The following RRAD variants were observed in gnomAD, a reference collection of about 807,000 sequenced individuals.
RRAD encodes RRAD, Ras related glycolysis inhibitor and calcium channel regulator.
In RRAD, 15 loss-of-function variants were observed where a neutral mutation model predicts 24.7. The observed-to-expected ratio is 0.61, with a 90% CI of 0.41 to 0.93. The LOEUF (loss-of-function observed/expected upper bound fraction) is 0.93, where lower values mean the gene tolerates loss of function less well. RRAD is among the 40% of genes least tolerant of loss of function. The pLI is 0.00. For synonymous variants in RRAD, 180 were observed against 189.8 expected (o/e 0.95, Z 0.43); for missense variants, 438 against 452.2 (o/e 0.97, Z 0.29).
In RRAD at chr16:66,924,453, T is replaced by C. The variant is rs73586839; in HGVS notation, c.370+357A>G. ...AAGCCAAGGTGGGCGGATCACGAGG[T>C]CAGAAATTCCAGACCAGCCTGGCCA... On this transcript the variant is annotated intron_variant, in intron 2 of 4. Coordinates refer to ENST00000299759, the MANE Select transcript of RRAD (RefSeq NM_004165.3). This position sits in a 1 kb window ranked among gnomAD's most constrained non-coding sequence, Gnocchi z 4.2. Among the ~76,000 whole-genome samples the C allele has an allele frequency of 0.06, 9,060 of 151,936 alleles. 518 individuals are homozygous for C. The highest frequency in any genetic ancestry group is 0.15 in the African/African-American group (6,320 of 41,400).
Position 66,924,886 on chromosome 16 carries a change from C to T in RRAD, c.294G>A (p.Gly98=). 1 of 1,586,542 alleles carries T rather than the reference C, an allele frequency of 6.3e-7. No homozygotes were observed. Among genetic ancestry groups the T allele is most frequent in the Non-Finnish European group, 8.5e-7 (1 of 1,171,262 alleles). ...GGGCGCTCTTGCCCACGCCGGGCGC[C>T]CCCAGCAGCAGCACCTTGTAAACGC... ...DESVYKVLLL[G]APGVGKSALA... The change falls in exon 2 of 5, where the codon GGG becomes GGA. Residue 98 remains glycine, a synonymous_variant. Transcript: ENST00000299759. The surrounding 1 kb of genome is among the most constrained non-coding windows in gnomAD (Gnocchi z 4.2).
At position 66,924,678 on chromosome 16, in the gene RRAD, AAATAAT is replaced by A. The variant is rs541356722; in HGVS notation, c.370+126_370+131del. The A allele has an allele frequency of 9.0e-5, 62 of 687,420 alleles. No homozygotes were observed. Among genetic ancestry groups the A allele is most frequent in the East Asian group, 1.8e-4 (5 of 27,116 alleles). 42.6% of individuals were successfully genotyped at this position (687,420 alleles called of 1,614,324 possible). On this transcript the variant is annotated intron_variant, in intron 2 of 4. Transcript: ENST00000299759. This position sits in a 1 kb window ranked among gnomAD's most constrained non-coding sequence, Gnocchi z 4.2. ...GAAACTCTGTCTCAAAATAATAATA[AAATAAT>A]AATAATAATAATAATAACAACAACA...
intron 4 of RRAD, among the ~76,000 whole-genome samples, chr16:66,922,903 G>A (rs1226646177): frequency 3.9e-5 from 6 of 152,168 alleles, no homozygotes; most frequent in African/African-American, 7.2e-5. Flanking sequence ...GGATGGTCTC[G>A]ATCTCCTGAC....
At position 66,924,176 on chromosome 16, in the gene RRAD, G is replaced by T. The variant is rs965262028; in HGVS notation, c.371-257C>A. 1.3e-5 allele frequency among the ~76,000 whole-genome samples: 2 copies of T among 152,168 alleles called. No homozygotes were observed. The highest frequency in any genetic ancestry group is 4.8e-5 in the African/African-American group (2 of 41,436). ...GGGCTCCTCTCTTAGAAATCCCTCT[G>T]GTTAGAAACTCTGACCTGTCCCTGA... On this transcript the variant is annotated intron_variant, in intron 2 of 4. Transcript: ENST00000299759. This position sits in a 1 kb window ranked among gnomAD's most constrained non-coding sequence, Gnocchi z 4.2.
In RRAD at chr16:66,924,268, T is replaced by C. The variant is rs1157781290; in HGVS notation, c.371-349A>G. Among the ~76,000 whole-genome samples the C allele has an allele frequency of 6.6e-6, 1 of 152,228 alleles. No individual in the cohort carries two copies. Among genetic ancestry groups the C allele is most frequent in the Admixed American group, 6.5e-5 (1 of 15,288 alleles). On this transcript the variant is annotated intron_variant, in intron 2 of 4. Coordinates refer to ENST00000299759, the MANE Select transcript of RRAD (RefSeq NM_004165.3). This position sits in a 1 kb window ranked among gnomAD's most constrained non-coding sequence, Gnocchi z 4.2. ...ATATCTATGCCCTGGCCTTCTACTC[T>C]GGGCATTTCTTCCCTACCAAAGGCT...
Position 66,923,634 on chromosome 16 carries a change from G to A in RRAD, c.531C>T (p.Phe177=), listed in dbSNP as rs1224228806. 4 of 1,614,012 alleles carry A rather than the reference G, an allele frequency of 2.5e-6. No homozygotes were observed. The South Asian group carries it at 4.4e-5, about 18-fold the overall frequency. ...GGACCCGCAGTTCTGAGGCCTTCTCGAAGCTGCCCTTGTCCGTCACTGAGT... is the reference window on the plus strand; with the variant it reads ...GGACCCGCAGTTCTGAGGCCTTCTCAAAGCTGCCCTTGTCCGTCACTGAGT... ...IVYSVTDKGS[F]EKASELRVQL... The change falls in exon 4 of 5, where the codon TTC becomes TTT. Residue 177 remains phenylalanine, a synonymous_variant. Transcript: ENST00000299759. The surrounding 1 kb of genome is among the most constrained non-coding windows in gnomAD (Gnocchi z 4.9).
In RRAD at chr16:66,921,936, G is replaced by T. The variant is rs1200521277; in HGVS notation, c.*140C>A. On this transcript the variant is annotated 3_prime_UTR_variant, in exon 5 of 5. Transcript: ENST00000299759. ...AGGGCAGCACTGTCTATCTGTCCAT[G>T]ACCATGAGGTTGGGGGTGCCCGGCT... 1.4e-6 allele frequency: 1 copy of T among 695,720 alleles called. No individual in the cohort carries two copies. The highest frequency in any genetic ancestry group is 2.8e-5 in the Admixed American group (1 of 35,328). 43.1% of individuals were successfully genotyped at this position (695,720 alleles called of 1,614,324 possible). A position where few individuals can be genotyped will look rare whatever the true frequency, so the allele number is the denominator to read the frequency against.
Position 66,924,996 on chromosome 16 carries a change from C to G in RRAD, c.184G>C (p.Gly62Arg), listed in dbSNP as rs1962975426. The G allele has an allele frequency of 7.0e-7, 1 of 1,431,346 alleles. No homozygotes were observed. The highest frequency in any genetic ancestry group is 9.2e-7 in the Non-Finnish European group (1 of 1,088,038). 88.7% of individuals were successfully genotyped at this position (1,431,346 alleles called of 1,614,324 possible). Residue 62 changes from glycine (G) to arginine (R), a missense_variant, in exon 2 of 5, where the codon GGG becomes CGG. By Grantham distance (125) the Gly-to-Arg change is moderately radical (BLOSUM62 -2). Coordinates refer to ENST00000299759, the MANE Select transcript of RRAD (RefSeq NM_004165.3). This position sits in a 1 kb window ranked among gnomAD's most constrained non-coding sequence, Gnocchi z 4.2. ...TPGALTAAAA[G>R]TGTQGPRLDW... ...AGCCTGGGACCCTGGGTCCCCGTCC[C>G]GGCCGCGGCCGCCGTCAGGGCACCC... is the stretch of plus-strand genomic sequence containing the variant.
chr16:66,922,194 C>T lies in RRAD; in HGVS notation c.809G>A (p.Arg270Lys). 5 of 1,614,248 alleles carry T rather than the reference C, an allele frequency of 3.1e-6. No individual in the cohort carries two copies. Among genetic ancestry groups the T allele is most frequent in the Admixed American group, 1.7e-5 (1 of 60,036 alleles). ...CGCCTTTTTGCCAAGGCTCTCTCGC[C>T]TCCGGGTGCCTGCTTGCCGTCGTGC... ...ANARRQAGTR[R>K]RESLGKKAKR... is the part of the protein sequence containing the mutation. The change falls in exon 5 of 5, where the codon AGG (arginine) becomes AAG (lysine). Residue 270 changes from arginine (R) to lysine (K), a missense_variant. Coordinates refer to ENST00000299759, the MANE Select transcript of RRAD (RefSeq NM_004165.3).
Position 66,923,817 on chromosome 16 carries a change from C to T in RRAD, c.444+29G>A. 6.2e-7 allele frequency: 1 copy of T among 1,611,680 alleles called. No individual in the cohort carries two copies. Among genetic ancestry groups the T allele is most frequent in the Non-Finnish European group, 8.5e-7 (1 of 1,177,778 alleles). On this transcript the variant is annotated intron_variant, in intron 3 of 4. Transcript: ENST00000299759. This position sits in a 1 kb window ranked among gnomAD's most constrained non-coding sequence, Gnocchi z 4.9. Reference sequence around the variant, plus strand: ...TCTAACCCAACTCACTCCTCCCTCCCCTGCCCTGGGTCTCTGCTTGCACCC... The same window carrying T: ...TCTAACCCAACTCACTCCTCCCTCCTCTGCCCTGGGTCTCTGCTTGCACCC...
At position 66,922,159 on chromosome 16, in the gene RRAD, A is replaced by G. The variant is rs973339868; in HGVS notation, c.844T>C (p.Leu282=). The part of the protein sequence containing the change: ...ESLGKKAKRF[L]GRIVARNSRK... ...CTGTTACGAGCTACGATGCGGCCCA[A>G]GAAGCGCTTCGCCTTTTTGCCAAGG... The change falls in exon 5 of 5, where the codon TTG becomes CTG. Residue 282 remains leucine, a synonymous_variant. Transcript: ENST00000299759. 9.3e-6 allele frequency: 15 copies of G among 1,614,072 alleles called. No homozygotes were observed. The African/African-American group carries it at 1.9e-4, about 20-fold the overall frequency.
Position 66,922,232 on chromosome 16 carries a change from G to A in RRAD, c.771C>T (p.Ser257=), listed in dbSNP as rs987490917. The change falls in exon 5 of 5, where the codon AGC becomes AGT. Residue 257 remains serine, a synonymous_variant. Coordinates refer to ENST00000299759, the MANE Select transcript of RRAD (RefSeq NM_004165.3). ...CTTGCCGTCGTGCGTTGGCTTCTTT[G>A]CTGTCCCTGCGCAGGCGTATCTGGC... The part of the protein sequence containing the change: ...VVRQIRLRRD[S]KEANARRQAG... The A allele has an allele frequency of 8.7e-6, 14 of 1,614,186 alleles. No individual in the cohort carries two copies. Among genetic ancestry groups the A allele is most frequent in the African/African-American group, 1.3e-5 (1 of 75,058 alleles).
Position 66,921,739 on chromosome 16 carries a change from A to G in RRAD, c.*337T>C, listed in dbSNP as rs544142161. On this transcript the variant is annotated 3_prime_UTR_variant, in exon 5 of 5. Coordinates refer to ENST00000299759, the MANE Select transcript of RRAD (RefSeq NM_004165.3). Reference sequence around the variant, plus strand: ...CTGCATGTAAACAAATAGCTACCGCACTGAAGAGCCTCCCTCCAGGGCAGG... The same window carrying G: ...CTGCATGTAAACAAATAGCTACCGCGCTGAAGAGCCTCCCTCCAGGGCAGG... 3.3e-5 allele frequency: 9 copies of G among 272,070 alleles called. No individual in the cohort carries two copies. In the South Asian group the frequency reaches 1.3e-3, roughly 38 times the overall value. The allele number at this position is 272,070 out of a possible 1,614,324, so 16.9% of individuals were successfully genotyped here.
intron 4 of RRAD, 77 bp from the exon 5 acceptor site, chr16:66,922,430 C>A (rs1962929307): frequency 7.0e-7 from 1 of 1,430,926 alleles, no homozygotes; most frequent in East Asian, 2.3e-5. Flanking sequence ...AGTGGCCACC[C>A]ATGGAAGCTG....
Position 66,921,770 on chromosome 16 carries a change from C to A in RRAD, c.*306G>T, listed in dbSNP as rs1047906136. Reference sequence around the variant, plus strand: ...GAGCCTCCCTCCAGGGCAGGCACACCCGGGCTGTGAAAAAAGGCAGAGTCC... The same window carrying A: ...GAGCCTCCCTCCAGGGCAGGCACACACGGGCTGTGAAAAAAGGCAGAGTCC... On this transcript the variant is annotated 3_prime_UTR_variant, in exon 5 of 5. Transcript: ENST00000299759. 9 of 347,452 alleles carry A rather than the reference C, an allele frequency of 2.6e-5. No individual in the cohort carries two copies. The Admixed American group carries it at 4.2e-4, about 16-fold the overall frequency. The allele number at this position is 347,452 out of a possible 1,614,324, so 21.5% of individuals were successfully genotyped here.
At position 66,922,094 on chromosome 16, in the gene RRAD, G is replaced by A. The variant is rs555745066; in HGVS notation, c.909C>T (p.His303=). The part of the protein sequence containing the change: ...MAFRAKSKSC[H]DLSVL ...GTGGGACCTAGAGAACCGAGAGGTC[G>A]TGGCAGGACTTGGATTTGGCGCGAA... Residue 303 remains histidine, a synonymous_variant, in exon 5 of 5, where the codon CAC becomes CAT. Transcript: ENST00000299759. 2 of 1,608,554 alleles carry A rather than the reference G, an allele frequency of 1.2e-6. No homozygotes were observed. Among genetic ancestry groups the A allele is most frequent in the East Asian group, 2.2e-5 (1 of 44,696 alleles).
chr16:66,924,780 C>A lies in RRAD; in HGVS notation c.370+30G>T. The A allele has an allele frequency of 6.9e-7, 1 of 1,453,742 alleles. No individual in the cohort carries two copies. The highest frequency in any genetic ancestry group is 2.5e-5 in the East Asian group (1 of 39,218). The allele number at this position is 1,453,742 out of a possible 1,614,324, so 90.1% of individuals were successfully genotyped here. ...GCCCCTAGTCCTAGCCCCGGGATCGCCCCTCCCCTGAACAGCTGGGTCCCC... is the reference window on the plus strand; with the variant it reads ...GCCCCTAGTCCTAGCCCCGGGATCGACCCTCCCCTGAACAGCTGGGTCCCC... On this transcript the variant is annotated intron_variant, in intron 2 of 4. Coordinates refer to ENST00000299759, the MANE Select transcript of RRAD (RefSeq NM_004165.3). The surrounding 1 kb of genome is among the most constrained non-coding windows in gnomAD (Gnocchi z 4.2).
rs964261743 is a variant in RRAD, at chr16:66,922,839, C to T, written c.650-486G>A. ...CTGGGACTACAGGCGCCCGCCACCACGCCCGGCTAATTTTTGTATTTTTAG... is the reference window on the plus strand; with the variant it reads ...CTGGGACTACAGGCGCCCGCCACCATGCCCGGCTAATTTTTGTATTTTTAG... On this transcript the variant is annotated intron_variant, in intron 4 of 4. Coordinates refer to ENST00000299759, the MANE Select transcript of RRAD (RefSeq NM_004165.3). Among the ~76,000 whole-genome samples, 4 of 152,096 alleles carry T rather than the reference C, an allele frequency of 2.6e-5. No individual in the cohort carries two copies. The South Asian group carries it at 6.2e-4, about 24-fold the overall frequency.
rs1271044446 is a variant in RRAD, at chr16:66,924,161, C to T, written c.371-242G>A. 6.6e-6 allele frequency among the ~76,000 whole-genome samples: 1 copy of T among 152,168 alleles called. No individual in the cohort carries two copies. The highest frequency in any genetic ancestry group is 1.5e-5 in the Non-Finnish European group (1 of 68,028). On this transcript the variant is annotated intron_variant, in intron 2 of 4. Coordinates refer to ENST00000299759, the MANE Select transcript of RRAD (RefSeq NM_004165.3). This position sits in a 1 kb window ranked among gnomAD's most constrained non-coding sequence, Gnocchi z 4.2. Reference sequence around the variant, plus strand: ...GACCTTGGCCACCTAGGGCTCCTCTCTTAGAAATCCCTCTGGTTAGAAACT... The same window carrying T: ...GACCTTGGCCACCTAGGGCTCCTCTTTTAGAAATCCCTCTGGTTAGAAACT...
Sources: allele counts gnomAD v4.1 joint callset (sites outside exome capture counted in the v4.1 genomes callset), GRCh38; gene constraint gnomAD v4.1.1; non-coding constraint Gnocchi (gnomAD v3.1); transcripts MANE v1.5; gene names NCBI Gene and HGNC (gene_info 2026-07-23, HGNC 2026-07-21).